ITSN2: variants seen among roughly 807,000 people sequenced by gnomAD.
ITSN2 encodes the protein intersectin-2.
Under a neutral mutation model 243.7 loss-of-function variants are expected in ITSN2, and 156 were observed. The observed-to-expected ratio is 0.64, with a 90% CI of 0.56 to 0.73. The LOEUF is 0.73. ITSN2 is among the 30% of genes least tolerant of loss of function. The probability of loss-of-function intolerance (pLI) is 0.00; values close to 1 mark genes in which losing one functional copy is unlikely to be tolerated. For synonymous variants in ITSN2, 703 were observed against 699.9 expected (o/e 1.00, Z -0.07); for missense variants, 1,801 against 1,996.1 (o/e 0.90, Z 1.86).
intron 33 of ITSN2, among the ~76,000 whole-genome samples, 173 bp downstream of exon 33, chr2:24,212,477 G>A (rs2151107796): frequency 6.6e-6 from 1 of 152,264 alleles, no homozygotes; most frequent in South Asian, 2.1e-4. Context: ...GCGTGTTTCT[G>A]TGCACACACA....
intron 17 of ITSN2, among the ~76,000 whole-genome samples, chr2:24,276,179 C>T (rs1445789044): frequency 6.6e-6 from 1 of 152,074 alleles, no homozygotes; most frequent in Non-Finnish European, 1.5e-5. Context: ...GAATAATTTG[C>T]TTGTTATAAC....
At chr2:24,288,548 T>A (rs774216121) in intron 15 of ITSN2, among the ~76,000 whole-genome samples, 8 of 152,128 alleles carry the variant, frequency 5.3e-5, no homozygotes, top group Non-Finnish European at 8.8e-5. Context: ...TCTTTTGTAA[T>A]CAACAAATAA....
chr2:24,223,635 G>T (rs1372885579), intron 29 of ITSN2, among the ~76,000 whole-genome samples: 1 of 149,514 alleles, frequency 6.7e-6, no homozygotes, highest in African/African-American at 2.5e-5. Flanking sequence ...GCAGTGAGCT[G>T]TGACTGCACC....
In ITSN2 at chr2:24,300,076, C is replaced by A. The variant is rs776955379; in HGVS notation, c.1177G>T (p.Ala393Ser). ...QALMEQQQRE[A>S]ERKAQKEKEE... ...TTTTCTTTCTGGGCTTTACGTTCTG[C>A]CTCCCTTTGTTGCTGCTCCATCAAG... The change falls in exon 12 of 40, where the codon GCA (alanine) becomes TCA (serine). Residue 393 changes from alanine to serine, a missense_variant. By Grantham distance (99) the Ala-to-Ser change is moderately conservative (BLOSUM62 1). Coordinates refer to ENST00000355123, the MANE Select transcript of ITSN2 (RefSeq NM_006277.3). 6.2e-7 allele frequency: 1 copy of A among 1,614,118 alleles called. No homozygotes were observed. The highest frequency in any genetic ancestry group is 2.2e-5 in the East Asian group (1 of 44,882).
intron 1 of ITSN2, among the ~76,000 whole-genome samples, chr2:24,345,483 T>C (rs1025227734): frequency 6.6e-6 from 1 of 152,194 alleles, no homozygotes; most frequent in African/African-American, 2.4e-5. Flanking sequence ...CTAAACCTTC[T>C]TCTAAGATAA....
At chr2:24,235,662 A>G (rs983879454) in intron 29 of ITSN2, among the ~76,000 whole-genome samples, 19 of 152,228 alleles carry the variant, frequency 1.2e-4, no homozygotes, top group Admixed American at 1.2e-3. Flanking sequence ...GTCTTTTAAA[A>G]AAGTGATTAT....
Position 24,261,738 on chromosome 2 carries a change from T to G in ITSN2, c.2360A>C (p.Asp787Ala). The change falls in exon 21 of 40, where the codon GAT becomes GCT. Residue 787 changes from aspartate to alanine, a missense_variant. By Grantham distance (126) the Asp-to-Ala change is moderately radical. Transcript: ENST00000355123. ...ACCAGGTTCTCCTACGGTTTTTTCA[T>G]CAACCTACGGAAATAAAAAGAAGGA... ...SFNSGDIIQV[D>A]EKTVGEPGWL... 1 of 1,610,670 alleles carries G rather than the reference T, an allele frequency of 6.2e-7. No homozygotes were observed. The highest frequency in any genetic ancestry group is 8.5e-7 in the Non-Finnish European group (1 of 1,178,262).
At chr2:24,246,380 T>A (rs1486935182) in intron 28 of ITSN2, 60 bp from the exon 29 acceptor site, 7 of 922,646 alleles carry the variant, frequency 7.6e-6, no homozygotes. Context: ...CAAGGGTCAA[T>A]CATTTGTAAT....
chr2:24,257,834 C>T, intron 23 of ITSN2, 54 bp downstream of exon 23: 3 of 1,288,000 alleles, frequency 2.3e-6, no homozygotes, highest in Admixed American at 1.7e-5. Context: ...ATGGCTGACT[C>T]ATTAGTGAAA....
chr2:24,301,856 A>T, intron 10 of ITSN2, 109 bp downstream of exon 10: 1 of 1,078,334 alleles, frequency 9.3e-7, no homozygotes, highest in Non-Finnish European at 1.3e-6. Context: ...CTTTTCAAGT[A>T]TAACTTGTTG....
At chr2:24,299,831 G>C in intron 12 of ITSN2, 78 bp downstream of exon 12, 1 of 1,259,464 alleles carries the variant, frequency 7.9e-7, no homozygotes, top group Non-Finnish European at 1.1e-6. Context: ...TCAAAAATAA[G>C]CATTTTTTAA....
intron 24 of ITSN2, 60 bp from the exon 25 acceptor site, chr2:24,252,571 G>T: frequency 7.9e-7 from 1 of 1,268,390 alleles, no homozygotes; most frequent in East Asian, 2.4e-5. Flanking sequence ...AAGTGAAAAA[G>T]AAATTAGGTT....
chr2:24,275,854 G>T lies in ITSN2; in HGVS notation c.1945-5C>A. 1 of 1,582,120 alleles carries T rather than the reference G, an allele frequency of 6.3e-7. No homozygotes were observed. Among genetic ancestry groups the T allele is most frequent in the East Asian group, 2.3e-5 (1 of 43,924 alleles). ...GTTGTAGGTTTCTCTCAGTTCCTAA[G>T]GAGAAAAAGAAAATAAGTCAATACG... is the stretch of plus-strand genomic sequence containing the variant. On this transcript the variant is annotated splice_polypyrimidine_tract_variant and splice_region_variant and intron_variant, in intron 17 of 39. Transcript: ENST00000355123.
chr2:24,334,160 G>A (rs1320495127), intron 1 of ITSN2, among the ~76,000 whole-genome samples: 1 of 152,062 alleles, frequency 6.6e-6, no homozygotes, highest in Non-Finnish European at 1.5e-5. Context: ...CCAGGTTCAA[G>A]CAATTTTCCT....
intron 22 of ITSN2, 74 bp from the exon 23 acceptor site, chr2:24,258,167 T>C: frequency 9.2e-7 from 1 of 1,082,348 alleles, no homozygotes; most frequent in South Asian, 1.4e-5. Context: ...GTATATAACA[T>C]ACTTACTGTT....
chr2:24,286,395 T>C (rs1679514745), intron 15 of ITSN2, 44 bp from the exon 16 acceptor site: 2 of 1,568,850 alleles, frequency 1.3e-6, no homozygotes, highest in Admixed American at 3.4e-5. Context: ...CAGAAGTTCG[T>C]ATGTCATTAC....
intron 8 of ITSN2, among the ~76,000 whole-genome samples, 178 bp from the exon 9 acceptor site, chr2:24,304,040 T>C (rs1682156535): frequency 6.6e-6 from 1 of 152,230 alleles, no homozygotes; most frequent in Non-Finnish European, 1.5e-5. Context: ...ACCCAGTCAC[T>C]GCCCCAAGGA....
chr2:24,238,760 A>C (rs1672434340), intron 29 of ITSN2, among the ~76,000 whole-genome samples: 2 of 152,118 alleles, frequency 1.3e-5, no homozygotes, highest in South Asian at 4.1e-4. Context: ...CTTCATCTTG[A>C]CCACTTATAC....
intron 1 of ITSN2, chr2:24,334,827 G>T: frequency 2.2e-6 from 2 of 903,636 alleles, no homozygotes; most frequent in South Asian, 2.8e-5. Context: ...ACTTTGGGAG[G>T]CCGAGGCGGG....
Sources: allele counts gnomAD v4.1 joint callset (sites outside exome capture counted in the v4.1 genomes callset), GRCh38; gene constraint gnomAD v4.1.1; transcripts MANE v1.5; gene names NCBI Gene and HGNC (gene_info 2026-07-23, HGNC 2026-07-21).